Variants in NAALADL2 observed in about 807,000 individuals in gnomAD.
The protein encoded by NAALADL2 is inactive N-acetylated-alpha-linked acidic dipeptidase-like protein 2.
In NAALADL2, 76 loss-of-function variants were observed where a neutral mutation model predicts 87.2. That is an observed-to-expected ratio of 0.87 (90% CI 0.72 to 1.05). The LOEUF (loss-of-function observed/expected upper bound fraction) is 1.05. Among genes scored for constraint, NAALADL2 ranks in the 50% least tolerant of loss-of-function variants. The pLI is 0.00. For synonymous variants in NAALADL2, 354 were observed against 331.0 expected (o/e 1.07, Z -0.75); for missense variants, 1,089 against 945.8 (o/e 1.15, Z -1.99).
At chr3:174,930,915 C>T (rs189730797) in intron 1 of NAALADL2, among the ~76,000 whole-genome samples, 194 of 152,030 alleles carry the variant, frequency 1.3e-3, no homozygotes, top group African/African-American at 4.4e-3. Context: ...AGCCACCACG[C>T]CCGGCCAAGA....
chr3:174,643,184 C>T (rs958244680), intron 2 of NAALADL2, among the ~76,000 whole-genome samples: 1 of 152,180 alleles, frequency 6.6e-6, no homozygotes, highest in Admixed American at 6.5e-5. Flanking sequence ...TATTTTCAGG[C>T]CACAGAGTAG....
At chr3:175,747,823 G>T (rs150157609) in intron 12 of NAALADL2, among the ~76,000 whole-genome samples, 142 of 152,204 alleles carry the variant, frequency 9.3e-4, no homozygotes, top group African/African-American at 3.2e-3. Flanking sequence ...AGATCATGCA[G>T]TCACAAACGT....
intron 3 of NAALADL2, among the ~76,000 whole-genome samples, chr3:174,839,885 A>T (rs778396247): frequency 3.3e-5 from 5 of 152,126 alleles, no homozygotes; most frequent in Non-Finnish European, 7.4e-5. Flanking sequence ...AACAGGGAAC[A>T]CTTCTACAGT....
chr3:175,206,626 G>T (rs1404990834), intron 2 of NAALADL2, among the ~76,000 whole-genome samples: 2 of 151,856 alleles, frequency 1.3e-5, no homozygotes, highest in Non-Finnish European at 2.9e-5. Flanking sequence ...TCGGGTGATG[G>T]TTACACCAAA....
rs527604876 is a variant in NAALADL2 at position 175,528,965 on chromosome 3, TC to T, written c.1654-47073del. On this transcript the variant is annotated intron_variant, in intron 9 of 13. Transcript: ENST00000454872. ...CCTTCTTCTACTACCCATTCTGTATTCCCTTTGCCTTCAGCAAGCACCTCAG... is the reference window on the plus strand; with the variant it reads ...CCTTCTTCTACTACCCATTCTGTATTCCTTTGCCTTCAGCAAGCACCTCAG... Among the ~76,000 whole-genome samples the T allele has an allele frequency of 9.2e-3, 1,408 of 152,232 alleles. 27 individuals carry two copies. Among genetic ancestry groups the T allele is most frequent in the African/African-American group, 0.032 (1,313 of 41,496 alleles).
intron 3 of NAALADL2, among the ~76,000 whole-genome samples, chr3:174,757,154 C>T (rs558848521): frequency 6.6e-5 from 10 of 152,258 alleles, no homozygotes; most frequent in Admixed American, 4.6e-4. Context: ...CATCAACTGC[C>T]TTTGCTAAGC....
chr3:175,324,355 T>G (rs750960299), intron 5 of NAALADL2, 30 bp downstream of exon 5: 1 of 1,581,836 alleles, frequency 6.3e-7, no homozygotes, highest in East Asian at 2.3e-5. Flanking sequence ...TTATTATACT[T>G]GTAAGTAAGC....
chr3:175,314,666 CTATATATA>C (rs60572633), intron 4 of NAALADL2, among the ~76,000 whole-genome samples: 504 of 30,460 alleles, frequency 0.017, no homozygotes, highest in Middle Eastern at 0.022. Flanking sequence ...ATAGTTCTAA[CTATATATA>C]TATATATATA....
intron 1 of NAALADL2, among the ~76,000 whole-genome samples, chr3:175,054,824 CT>C (rs1711777280): frequency 6.6e-6 from 1 of 152,136 alleles, no homozygotes; most frequent in Non-Finnish European, 1.5e-5. Flanking sequence ...ACTTTGAGGG[CT>C]GTATAACTGC....
chr3:174,771,534 T>C (rs1714554516), intron 3 of NAALADL2, among the ~76,000 whole-genome samples: 1 of 152,164 alleles, frequency 6.6e-6, no homozygotes, highest in South Asian at 2.1e-4. Flanking sequence ...ATTGCTAATG[T>C]GTCGGGTGCA....
chr3:174,915,457 A>G (rs944236091), intron 1 of NAALADL2, among the ~76,000 whole-genome samples: 2 of 152,136 alleles, frequency 1.3e-5, no homozygotes, highest in African/African-American at 2.4e-5. Context: ...GGTAAGGACA[A>G]CTTCATAGAA....
At chr3:175,135,165 G>A (rs929409023) in intron 2 of NAALADL2, among the ~76,000 whole-genome samples, 7 of 151,992 alleles carry the variant, frequency 4.6e-5, no homozygotes, top group African/African-American at 1.4e-4. Context: ...GCTTAAAATC[G>A]CTGTAAGTGT....
At chr3:174,962,416 T>TATAATATGTCATAGTGACTATGAC (rs1742222689) in intron 1 of NAALADL2, among the ~76,000 whole-genome samples, 3 of 59,882 alleles carry the variant, frequency 5.0e-5, no homozygotes, top group Non-Finnish European at 1.8e-4. Context: ...CTATGACATA[T>TATAATATGTCATAGTGACTATGAC]ATATATATAT....
chr3:174,959,901 G>T (rs1741725120), intron 1 of NAALADL2, among the ~76,000 whole-genome samples: 1 of 152,040 alleles, frequency 6.6e-6, no homozygotes, highest in African/African-American at 2.4e-5. Context: ...CTTTTGACAA[G>T]ATTTGTCCTT....
intron 4 of NAALADL2, among the ~76,000 whole-genome samples, chr3:175,288,142 C>T (rs1248229997): frequency 2.6e-5 from 4 of 152,124 alleles, no homozygotes; most frequent in South Asian, 2.1e-4. Context: ...AGTGTAATGG[C>T]GCAATCTCAG....
chr3:175,741,894 A>G (rs148053970), intron 12 of NAALADL2, among the ~76,000 whole-genome samples: 1 of 152,298 alleles, frequency 6.6e-6, no homozygotes, highest in East Asian at 1.9e-4. Context: ...CACCCATGAC[A>G]TGGACTCAGA....
In NAALADL2 at chr3:175,343,672, TTTTTC is replaced by T. The variant is rs1442822871; in HGVS notation, c.1090+19348_1090+19352del. Among the ~76,000 whole-genome samples, 13 of 146,432 alleles carry T rather than the reference TTTTTC, an allele frequency of 8.9e-5. 2 individuals carry two copies. The highest frequency in any genetic ancestry group is 4.4e-4 in the South Asian group (2 of 4,518). ...TTGATCATGTTTTTTTTTTTTTTTTTTTTTCCCTTCCCACTGATCAAACTAGGAAA... is the reference window on the plus strand; with the variant it reads ...TTGATCATGTTTTTTTTTTTTTTTTTCCTTCCCACTGATCAAACTAGGAAA... On this transcript the variant is annotated intron_variant, in intron 5 of 13. Transcript: ENST00000454872.
intron 2 of NAALADL2, among the ~76,000 whole-genome samples, chr3:174,714,620 A>G (rs138826682): frequency 0.012 from 1,882 of 152,210 alleles, 20 homozygotes; most frequent in South Asian, 0.034. Flanking sequence ...TTGTATAGGA[A>G]TGCTTGTGAT....
At position 175,249,856 on chromosome 3, in the gene NAALADL2, G is replaced by A. The variant is rs113889497; in HGVS notation, c.820-6555G>A. On this transcript the variant is annotated intron_variant, in intron 3 of 13. Coordinates refer to ENST00000454872, the MANE Select transcript of NAALADL2 (RefSeq NM_207015.3). ...TTTAAGGTTAAATGAGGTCACAAGG[G>A]TTGGGTCCTGATCTGATAAGATTAT... Among the ~76,000 whole-genome samples the A allele has an allele frequency of 3.3e-3, 500 of 152,184 alleles. 2 individuals carry two copies. Among genetic ancestry groups the A allele is most frequent in the African/African-American group, 0.011 (470 of 41,522 alleles).
Sources: gnomAD v4.1 joint callset for allele counts (sites outside exome capture counted in the v4.1 genomes callset) on GRCh38, gnomAD v4.1.1 for gene constraint, MANE v1.5 for transcripts, NCBI Gene and HGNC (gene_info 2026-07-23, HGNC 2026-07-21) for gene names.